Variants in GSS observed in about 807,000 individuals in gnomAD.
GSS encodes GSH synthetase.
GSS carries 34 observed loss-of-function variants against 60.4 expected under a neutral mutation model. That is an observed-to-expected ratio of 0.56 (90% CI 0.43 to 0.75). The LOEUF is 0.75. Among genes scored for constraint, GSS ranks in the 30% least tolerant of loss-of-function variants. The pLI, the probability that GSS is intolerant of heterozygous loss-of-function variation, is 0.00. For synonymous variants in GSS, 224 were observed against 239.0 expected (o/e 0.94, Z 0.58); for missense variants, 499 against 595.1 (o/e 0.84, Z 1.68).
In GSS at chr20:34,942,585, G is replaced by T. The variant is rs202195412; in HGVS notation, c.394C>A (p.Arg132Ser). 1.9e-6 allele frequency: 3 copies of T among 1,613,796 alleles called. No individual in the cohort carries two copies. In the East Asian group the frequency reaches 6.7e-5, roughly 36 times the overall value. The change falls in exon 5 of 13, where the codon CGC becomes AGC. Residue 132 changes from arginine to serine, a missense_variant. Arg to Ser is a moderately radical substitution (Grantham distance 110). Transcript: ENST00000651619. ...GLNRSDYMFQRSADGSPALKQ... is the reference protein window; with the variant it reads ...GLNRSDYMFQSSADGSPALKQ... Reference sequence around the variant, plus strand: ...AGGGCTGGGGAGCCATCTGCGCTGCGCTGGAACATGTAGTCTGAGCGATTC... The same window carrying T: ...AGGGCTGGGGAGCCATCTGCGCTGCTCTGGAACATGTAGTCTGAGCGATTC...
In GSS at chr20:34,931,995, G is replaced by A. The variant is rs11905938; in HGVS notation, c.973C>T (p.Pro325Ser). 2.7e-4 allele frequency: 434 copies of A among 1,614,208 alleles called. 1 individual carries two copies. The African/African-American group carries it at 4.9e-3, about 18-fold the overall frequency. ...GCGCGGAGGCGGGCCACAGCCTCAG[G>A]CTGGCCAGGGAGCAACATCTCCAGC... ...GMLEMLLPGQ[P>S]EAVARLRATF... The change falls in exon 10 of 13, where the codon CCT (proline) becomes TCT (serine). Residue 325 changes from proline (P) to serine (S), a missense_variant. Transcript: ENST00000651619.
rs34681587 is a variant in GSS at position 34,941,109 on chromosome 20, C to T, written c.608+604G>A. Among the ~76,000 whole-genome samples, 620 of 152,308 alleles carry T rather than the reference C, an allele frequency of 4.1e-3. 2 individuals carry two copies. The highest frequency in any genetic ancestry group is 0.014 in the African/African-American group (588 of 41,574). ...CAGTGGCTCATGCCTGTAATCCCAG[C>T]ACTTTGGGAGGCCAAGGTGGGCGGA... On this transcript the variant is annotated intron_variant, in intron 6 of 12. Transcript: ENST00000651619.
At chr20:34,930,550 C>G (rs6087651) in intron 11 of GSS, among the ~76,000 whole-genome samples, 1 of 151,868 alleles carries the variant, frequency 6.6e-6, no homozygotes, top group Non-Finnish European at 1.5e-5. Context: ...TTCTGAACAA[C>G]TGTATCAGCC....
At chr20:34,946,284 A>G (rs1450806332) in intron 2 of GSS, among the ~76,000 whole-genome samples, 186 bp from the exon 3 acceptor site, 1 of 152,220 alleles carries the variant, frequency 6.6e-6, no homozygotes, top group East Asian at 1.9e-4. Flanking sequence ...ATTCTGTGAT[A>G]GTTTATCTCT....
In GSS at chr20:34,945,927, C is replaced by T. The variant is rs34244243; in HGVS notation, c.275+26G>A. 18,430 of 1,612,680 alleles carry T rather than the reference C, an allele frequency of 0.011. 1,809 individuals carry two copies. The African/African-American group carries it at 0.22, about 19-fold the overall frequency. On this transcript the variant is annotated intron_variant, in intron 3 of 12. Coordinates refer to ENST00000651619, the MANE Select transcript of GSS (RefSeq NM_000178.4). ...GTTCCTTGGCTCTGGCAGCTCCTGG[C>T]CCCCCAATGCTTCACTGTCCCCTAC...
chr20:34,939,874 T>G (rs1389420608), intron 6 of GSS, among the ~76,000 whole-genome samples: 1 of 152,086 alleles, frequency 6.6e-6, no homozygotes, highest in Non-Finnish European at 1.5e-5. Context: ...TTCACCATGT[T>G]GGCCAGGCTG....
In GSS at chr20:34,928,492, C is replaced by T; in HGVS notation, c.*336G>A. ...TAGGGAAAGGCTATGCCCCTCCACT[C>T]CCCCTCCTCCTACCACTCAGTCCTA... On this transcript the variant is annotated 3_prime_UTR_variant, in exon 13 of 13. Coordinates refer to ENST00000651619, the MANE Select transcript of GSS (RefSeq NM_000178.4). 1 of 434,460 alleles carries T rather than the reference C, an allele frequency of 2.3e-6. No homozygotes were observed. Among genetic ancestry groups the T allele is most frequent in the Non-Finnish European group, 4.3e-6 (1 of 233,386 alleles). 26.9% of individuals were successfully genotyped at this position (434,460 alleles called of 1,614,324 possible).
chr20:34,953,205 A>G (rs572569640), intron 1 of GSS, among the ~76,000 whole-genome samples: 40 of 152,306 alleles, frequency 2.6e-4, no homozygotes, highest in African/African-American at 8.2e-4. Context: ...CCCTGTTGCC[A>G]TTTAACAGAA....
At chr20:34,937,557 T>C (rs2081449698) in intron 6 of GSS, among the ~76,000 whole-genome samples, 1 of 152,172 alleles carries the variant, frequency 6.6e-6, no homozygotes, top group Admixed American at 6.6e-5. Flanking sequence ...CAGGGCCAAC[T>C]ACAAACAACG....
At chr20:34,931,054 T>A (rs920209149) in intron 11 of GSS, among the ~76,000 whole-genome samples, 2 of 152,158 alleles carry the variant, frequency 1.3e-5, no homozygotes, top group Admixed American at 6.5e-5. Flanking sequence ...ACATGTATTC[T>A]CTCCAGTCTC....
intron 6 of GSS, among the ~76,000 whole-genome samples, chr20:34,939,971 A>G (rs1357076723): frequency 1.3e-5 from 2 of 151,970 alleles, no homozygotes; most frequent in African/African-American, 2.4e-5. Context: ...CACCCGGCCT[A>G]TTATTATTAT....
At chr20:34,937,971 C>A (rs969229788) in intron 6 of GSS, among the ~76,000 whole-genome samples, 1 of 152,218 alleles carries the variant, frequency 6.6e-6, no homozygotes, top group East Asian at 1.9e-4. Flanking sequence ...GATTCTCCTG[C>A]TTCAGCCTCC....
intron 3 of GSS, among the ~76,000 whole-genome samples, chr20:34,945,029 CTT>C (rs910680128): frequency 6.7e-6 from 1 of 149,900 alleles, no homozygotes. Flanking sequence ...ATTATTATTT[CTT>C]TTTTTTTGAG....
At chr20:34,930,960 G>A (rs2081396378) in intron 11 of GSS, among the ~76,000 whole-genome samples, 2 of 151,810 alleles carry the variant, frequency 1.3e-5, no homozygotes, top group African/African-American at 4.8e-5. Flanking sequence ...CACCTCTTAA[G>A]ACAAAGATTA....
At chr20:34,935,678 T>G (rs761895365) in intron 8 of GSS, 36 bp from the exon 9 acceptor site, 216 of 1,486,800 alleles carry the variant, frequency 1.5e-4, no homozygotes, top group Non-Finnish European at 2.0e-4. Flanking sequence ...CTGTGTTAAA[T>G]TATAACTGAT....
chr20:34,934,520 ACCTG>A (rs2081425767), intron 9 of GSS, among the ~76,000 whole-genome samples: 1 of 151,852 alleles, frequency 6.6e-6, no homozygotes, highest in South Asian at 2.1e-4. Context: ...CAGGTAATCC[ACCTG>A]CCTTGGCCTC....
At chr20:34,936,630 T>G in intron 8 of GSS, 133 bp downstream of exon 8, 57 of 823,846 alleles carry the variant, frequency 6.9e-5, no homozygotes, top group Non-Finnish European at 1.1e-4. Context: ...CCTGGGAGGA[T>G]GAGATATTTC....
intron 11 of GSS, among the ~76,000 whole-genome samples, chr20:34,930,550 C>T (rs6087651): frequency 0.54 from 82,237 of 151,904 alleles, 22,992 homozygotes; most frequent in South Asian, 0.73. Flanking sequence ...TTCTGAACAA[C>T]TGTATCAGCC....
At chr20:34,952,483 G>A (rs1489940852) in intron 1 of GSS, among the ~76,000 whole-genome samples, 1 of 151,762 alleles carries the variant, frequency 6.6e-6, no homozygotes, top group Non-Finnish European at 1.5e-5. Context: ...CGCCTAGGCT[G>A]GAGTTCAGTG....
Sources: allele counts gnomAD v4.1 joint callset (sites outside exome capture counted in the v4.1 genomes callset), GRCh38; gene constraint gnomAD v4.1.1; transcripts MANE v1.5; gene names NCBI Gene and HGNC (gene_info 2026-07-23, HGNC 2026-07-21).